Variants in NPEPL1 observed in about 807,000 individuals in gnomAD.
The protein encoded by NPEPL1 is probable aminopeptidase NPEPL1.
NPEPL1 carries 45 observed loss-of-function variants against 52.4 expected under a neutral mutation model. The observed-to-expected ratio is 0.86, with a 90% CI of 0.68 to 1.10. NPEPL1 has a LOEUF of 1.10. NPEPL1 is among the 50% of genes least tolerant of loss of function. The pLI is 0.00. For missense variants in NPEPL1, 696 were observed against 710.9 expected (o/e 0.98, Z 0.24); for synonymous variants, 360 against 314.7 (o/e 1.14, Z -1.52).
At chr20:58,713,000 T>C (rs903307474) in intron 8 of NPEPL1, 3 of 369,130 alleles carry the variant, frequency 8.1e-6, no homozygotes, top group Non-Finnish European at 1.0e-5. Context: ...GCTCCAGAAT[T>C]CAAAAGAGAA....
intron 6 of NPEPL1, 124 bp from the exon 7 acceptor site, chr20:58,706,999 T>C: frequency 1.0e-6 from 1 of 964,912 alleles, no homozygotes; most frequent in Non-Finnish European, 1.6e-6. Context: ...GTGTGGGGGC[T>C]GCCCAGGCCT....
Position 58,715,596 on chromosome 20 carries a change from AC to A in NPEPL1, c.*274del. Reference sequence around the variant, plus strand: ...AACTGCTACCCCTGGGGCCTTCTGCACCCCGGGGTGAGGCCTCCTGCCTGCC... The same window carrying A: ...AACTGCTACCCCTGGGGCCTTCTGCACCCGGGGTGAGGCCTCCTGCCTGCC... On this transcript the variant is annotated 3_prime_UTR_variant, in exon 12 of 12. Coordinates refer to ENST00000356091, the MANE Select transcript of NPEPL1 (RefSeq NM_024663.4). The A allele has an allele frequency of 3.3e-6, 1 of 299,206 alleles. No individual in the cohort carries two copies. The highest frequency in any genetic ancestry group is 4.8e-5 in the South Asian group (1 of 20,648). The allele number at this position is 299,206 out of a possible 1,614,324, so 18.5% of individuals were successfully genotyped here. A position where few individuals can be genotyped will look rare whatever the true frequency, so the allele number is the denominator to read the frequency against.
At position 58,713,675 on chromosome 20, in the gene NPEPL1, G is replaced by A. The variant is rs1166802482; in HGVS notation, c.1125+132G>A. 5.3e-6 allele frequency: 7 copies of A among 1,318,750 alleles called. No homozygotes were observed. The highest frequency in any genetic ancestry group is 7.0e-6 in the Non-Finnish European group (7 of 994,872). The allele number at this position is 1,318,750 out of a possible 1,614,324, so 81.7% of individuals were successfully genotyped here. A position where few individuals can be genotyped will look rare whatever the true frequency, so the allele number is the denominator to read the frequency against. On this transcript the variant is annotated intron_variant, in intron 9 of 11. Coordinates refer to ENST00000356091, the MANE Select transcript of NPEPL1 (RefSeq NM_024663.4). The surrounding 1 kb of genome is among the most constrained non-coding windows in gnomAD (Gnocchi z 4.6). ...TTTCATAACTGGGCACGAGGAGGCA[G>A]GAGGAGCTGCCCGTCAAGCTTGGTG...
rs753575456 is a variant in NPEPL1 at position 58,715,213 on chromosome 20, T to G, written c.1459T>G (p.Phe487Val). Residue 487 changes from phenylalanine (F) to valine (V), a missense_variant, in exon 12 of 12, where the codon TTC becomes GTC. Transcript: ENST00000356091. ...GFGVALLLALFGRASEDPLLN... is the reference protein window; with the variant it reads ...GFGVALLLALVGRASEDPLLN... ...CGGTGTGGCCCTCCTGCTGGCGCTC[T>G]TCGGCCGTGCCTCTGAGGACCCTCT... 1.2e-6 allele frequency: 2 copies of G among 1,608,274 alleles called. No individual in the cohort carries two copies. The highest frequency in any genetic ancestry group is 4.5e-5 in the East Asian group (2 of 44,738).
intron 7 of NPEPL1, among the ~76,000 whole-genome samples, chr20:58,709,672 T>C (rs1012459539): frequency 1.3e-5 from 2 of 152,228 alleles, no homozygotes; most frequent in Non-Finnish European, 2.9e-5. Context: ...CCACCTGACA[T>C]GCCTCCAGAG....
At chr20:58,706,986 C>T in intron 6 of NPEPL1, 137 bp from the exon 7 acceptor site, 1 of 856,126 alleles carries the variant, frequency 1.2e-6, no homozygotes, top group Non-Finnish European at 1.9e-6. Context: ...CCCAGGAGGC[C>T]TGGTGTGGGG....
chr20:58,701,168 G>T lies in NPEPL1; in HGVS notation c.822+10G>T, dbSNP rs369324831. 1.3e-6 allele frequency: 2 copies of T among 1,530,844 alleles called. No homozygotes were observed. The highest frequency in any genetic ancestry group is 2.6e-5 in the East Asian group (1 of 38,622). 94.8% of individuals were successfully genotyped at this position (1,530,844 alleles called of 1,614,324 possible). ...CAGCATCAAAGGGAAGGTGAGGTGCGGGCTGGCTCTCAGGGTGCCCTGGGG... is the reference window on the plus strand; with the variant it reads ...CAGCATCAAAGGGAAGGTGAGGTGCTGGCTGGCTCTCAGGGTGCCCTGGGG... On this transcript the variant is annotated intron_variant, in intron 6 of 11. Coordinates refer to ENST00000356091, the MANE Select transcript of NPEPL1 (RefSeq NM_024663.4).
chr20:58,702,718 A>C (rs2084658500), intron 6 of NPEPL1, among the ~76,000 whole-genome samples: 1 of 152,210 alleles, frequency 6.6e-6, no homozygotes, highest in African/African-American at 2.4e-5. Context: ...CTTCACTCAT[A>C]GTTGGTCCAA....
Position 58,713,515 on chromosome 20 carries a change from T to C in NPEPL1, c.1097T>C (p.Leu366Pro), listed in dbSNP as rs1418271798. The C allele has an allele frequency of 6.2e-7, 1 of 1,610,374 alleles. No homozygotes were observed. The highest frequency in any genetic ancestry group is 8.5e-7 in the Non-Finnish European group (1 of 1,178,438). Residue 366 changes from leucine to proline, a missense_variant, in exon 9 of 12, where the codon CTG becomes CCG. Coordinates refer to ENST00000356091, the MANE Select transcript of NPEPL1 (RefSeq NM_024663.4). The surrounding 1 kb of genome is among the most constrained non-coding windows in gnomAD (Gnocchi z 4.6). Reference protein sequence around the residue: ...ACKDLGADIILDMATLTGAQG... With the variant: ...ACKDLGADIIPDMATLTGAQG... ...AAGGACCTGGGGGCCGACATCATCC[T>C]GGACATGGCCACCCTGACCGGGGCT...
At position 58,715,484 on chromosome 20, in the gene NPEPL1, G is replaced by A; in HGVS notation, c.*158G>A. On this transcript the variant is annotated 3_prime_UTR_variant, in exon 12 of 12. Coordinates refer to ENST00000356091, the MANE Select transcript of NPEPL1 (RefSeq NM_024663.4). Reference sequence around the variant, plus strand: ...AGCTGAAGTTTTAGGAGACAGCTTAGGGTTTGGTGCGGGCCACGGGGAGGG... The same window carrying A: ...AGCTGAAGTTTTAGGAGACAGCTTAAGGTTTGGTGCGGGCCACGGGGAGGG... The A allele has an allele frequency of 1.3e-6, 1 of 793,304 alleles. No individual in the cohort carries two copies. The highest frequency in any genetic ancestry group is 1.9e-6 in the Non-Finnish European group (1 of 532,838). The allele number at this position is 793,304 out of a possible 1,614,324, so 49.1% of individuals were successfully genotyped here.
upstream of NPEPL1, chr20:58,691,710 T>TTTTG: frequency 1.4e-6 from 1 of 702,640 alleles, no homozygotes; most frequent in Non-Finnish European, 2.2e-6. Flanking sequence ...TTTTTTTTTT[T>TTTTG]TTTTCATTTT....
rs2084891287 is a variant in NPEPL1 at position 58,713,280 on chromosome 20, T to C, written c.1002-140T>C. 3 of 1,155,456 alleles carry C rather than the reference T, an allele frequency of 2.6e-6. No individual in the cohort carries two copies. The highest frequency in any genetic ancestry group is 1.6e-5 in the African/African-American group (1 of 64,402). 71.6% of individuals were successfully genotyped at this position (1,155,456 alleles called of 1,614,324 possible). A position where few individuals can be genotyped will look rare whatever the true frequency, so the allele number is the denominator to read the frequency against. ...TGTAGGGACTGGGGGCATCCCGGCC[T>C]TCCCATTCAGGGAACGTGTTGGGGT... On this transcript the variant is annotated intron_variant, in intron 8 of 11. Coordinates refer to ENST00000356091, the MANE Select transcript of NPEPL1 (RefSeq NM_024663.4). The surrounding 1 kb of genome is among the most constrained non-coding windows in gnomAD (Gnocchi z 4.6).
chr20:58,711,005 C>A (rs7270573), intron 7 of NPEPL1: 5 of 150,848 alleles, frequency 3.3e-5, no homozygotes, highest in African/African-American at 1.2e-4. Flanking sequence ...CAGCCTTCAG[C>A]GGGTAGCAGC....
chr20:58,708,351 G>T (rs2084775205), intron 7 of NPEPL1, among the ~76,000 whole-genome samples: 3 of 152,228 alleles, frequency 2.0e-5, no homozygotes, highest in African/African-American at 7.2e-5. Flanking sequence ...TCTGCTACCA[G>T]GCCCAGCCGG....
At position 58,704,117 on chromosome 20, in the gene NPEPL1, C is replaced by G. The variant is rs536579607; in HGVS notation, c.822+2959C>G. ...GCTCCAGCCATTGATGCAAAGACCC[C>G]AATCCTGACCTGAAGGCGCTCACAA... On this transcript the variant is annotated intron_variant, in intron 6 of 11. Coordinates refer to ENST00000356091, the MANE Select transcript of NPEPL1 (RefSeq NM_024663.4). 3 of 985,270 alleles carry G rather than the reference C, an allele frequency of 3.0e-6. No individual in the cohort carries two copies. In the African/African-American group the frequency reaches 5.2e-5, roughly 17 times the overall value. The allele number at this position is 985,270 out of a possible 1,614,324, so 61.0% of individuals were successfully genotyped here. A position where few individuals can be genotyped will look rare whatever the true frequency, so the allele number is the denominator to read the frequency against.
intron 7 of NPEPL1, among the ~76,000 whole-genome samples, chr20:58,708,745 C>A (rs1601127399): frequency 6.6e-6 from 1 of 152,156 alleles, no homozygotes; most frequent in Non-Finnish European, 1.5e-5. Context: ...CTGCCCAGGC[C>A]CCGTGGCTTT....
chr20:58,707,120 C>T lies in NPEPL1; in HGVS notation c.823-3C>T, dbSNP rs1347745568. ...TGTCCTGGTCCCTTTGTACCACCCG[C>T]AGACTACCATGCCGGGGATGAAGCG... On this transcript the variant is annotated splice_polypyrimidine_tract_variant and splice_region_variant and intron_variant, in intron 6 of 11. Transcript: ENST00000356091. 3.9e-6 allele frequency: 6 copies of T among 1,551,254 alleles called. No homozygotes were observed. The highest frequency in any genetic ancestry group is 4.4e-6 in the Non-Finnish European group (5 of 1,147,204).
intron 6 of NPEPL1, among the ~76,000 whole-genome samples, chr20:58,706,840 T>G (rs1317334475): frequency 6.6e-6 from 1 of 152,182 alleles, no homozygotes; most frequent in Non-Finnish European, 1.5e-5. Context: ...GGGTTCCCCC[T>G]CCGTGCAGTT....
Position 58,694,440 on chromosome 20 carries a change from G to A in NPEPL1, c.355G>A (p.Glu119Lys), listed in dbSNP as rs1212297527. 3 of 1,612,280 alleles carry A rather than the reference G, an allele frequency of 1.9e-6. No homozygotes were observed. Among genetic ancestry groups the A allele is most frequent in the Admixed American group, 1.7e-5 (1 of 59,762 alleles). ...RCIVMVCEQPEVFASACALAR... is the reference protein window; with the variant it reads ...RCIVMVCEQPKVFASACALAR... ...GCCACAGATGGTCTGCGAGCAGCCGGAGGTCTTTGCTTCCGCCTGTGCCCT... is the reference window on the plus strand; with the variant it reads ...GCCACAGATGGTCTGCGAGCAGCCGAAGGTCTTTGCTTCCGCCTGTGCCCT... Residue 119 changes from glutamate to lysine, a missense_variant, in exon 3 of 12, where the codon GAG becomes AAG. Coordinates refer to ENST00000356091, the MANE Select transcript of NPEPL1 (RefSeq NM_024663.4).
Sources: gnomAD v4.1 joint callset for allele counts (sites outside exome capture counted in the v4.1 genomes callset) on GRCh38, gnomAD v4.1.1 for gene constraint, Gnocchi (gnomAD v3.1) non-coding constraint, MANE v1.5 for transcripts, NCBI Gene and HGNC (gene_info 2026-07-23, HGNC 2026-07-21) for gene names.